The following SCARA5 variants were observed in gnomAD, a reference collection of about 807,000 sequenced individuals.
The protein encoded by SCARA5 is scavenger receptor class A member 5.
Under a neutral mutation model 46.3 loss-of-function variants are expected in SCARA5, and 45 were observed. That is an observed-to-expected ratio of 0.97 (90% CI 0.76 to 1.24). SCARA5 has a LOEUF of 1.24. SCARA5 is among the 50% of genes most tolerant of loss of function. The pLI, the probability that SCARA5 is intolerant of heterozygous loss-of-function variation, is 0.00. For missense variants in SCARA5, 680 were observed against 689.0 expected (o/e 0.99, Z 0.15); for synonymous variants, 333 against 306.5 (o/e 1.09, Z -0.90).
At chr8:27,881,926 C>G (rs966854874) in intron 7 of SCARA5, among the ~76,000 whole-genome samples, 1 of 152,168 alleles carries the variant, frequency 6.6e-6, no homozygotes, top group Non-Finnish European at 1.5e-5. Flanking sequence ...GCTGCACATG[C>G]GATGGGTTTG....
At chr8:27,969,651 G>A (rs1808418914) in intron 2 of SCARA5, among the ~76,000 whole-genome samples, 1 of 152,144 alleles carries the variant, frequency 6.6e-6, no homozygotes, top group Admixed American at 6.5e-5. Flanking sequence ...TAAATGATGG[G>A]CTCTGGGAGA....
intron 7 of SCARA5, among the ~76,000 whole-genome samples, chr8:27,883,984 G>A (rs934431553): frequency 1.3e-5 from 2 of 151,924 alleles, no homozygotes; most frequent in African/African-American, 4.8e-5. Context: ...GGAGATGGCA[G>A]AATTGACATC....
intron 3 of SCARA5, among the ~76,000 whole-genome samples, chr8:27,933,322 G>C (rs548985873): frequency 4.9e-4 from 75 of 151,544 alleles, no homozygotes; most frequent in African/African-American, 1.8e-3. Flanking sequence ...AGGAGTTCGA[G>C]ACCAGCCTGA....
chr8:27,990,372 G>A (rs1004614818), intron 1 of SCARA5, among the ~76,000 whole-genome samples: 1 of 152,172 alleles, frequency 6.6e-6, no homozygotes, highest in Non-Finnish European at 1.5e-5. Context: ...GGAGGAAGCA[G>A]GCATTGGGAC....
At chr8:27,979,006 G>A (rs1808570844) in intron 2 of SCARA5, among the ~76,000 whole-genome samples, 1 of 152,030 alleles carries the variant, frequency 6.6e-6, no homozygotes, top group Non-Finnish European at 1.5e-5. Flanking sequence ...CCTCACACTT[G>A]CACAGGGAAA....
At chr8:27,991,224 A>T (rs1348817347) in intron 1 of SCARA5, among the ~76,000 whole-genome samples, 1 of 152,176 alleles carries the variant, frequency 6.6e-6, no homozygotes, top group Non-Finnish European at 1.5e-5. Context: ...GCTGCTGGTC[A>T]CCCAGGATCA....
chr8:27,989,090 T>C (rs1808746956), intron 1 of SCARA5, among the ~76,000 whole-genome samples: 1 of 150,360 alleles, frequency 6.7e-6, no homozygotes, highest in Non-Finnish European at 1.5e-5. Context: ...AAGAATTCCG[T>C]ATTTTCTTTC....
Position 27,907,572 on chromosome 8 carries a change from C to CTTTTTTTTTT in SCARA5, c.998-336_998-327dup, listed in dbSNP as rs144977060. ...GCTGGAGACTTAGAATCAGCAAACA[C>CTTTTTTTTTT]TTTTTTTTTTTTTTTTTTTTGAGAC... is the stretch of plus-strand genomic sequence containing the variant. On this transcript the variant is annotated intron_variant, in intron 5 of 8. Transcript: ENST00000354914. Among the ~76,000 whole-genome samples, 6 of 97,274 alleles carry CTTTTTTTTTT rather than the reference C, an allele frequency of 6.2e-5. 1 individual carries two copies. The highest frequency in any genetic ancestry group is 1.2e-4 in the African/African-American group (3 of 25,440). The allele number at this position is 97,274 out of a possible 152,430, so 63.8% of individuals were successfully genotyped here.
Position 27,957,717 on chromosome 8 carries a change from G to A in SCARA5, c.241+8697C>T, listed in dbSNP as rs1808227771. ...GAGTAGGCAATGCGTCTAAGTCTCA[G>A]TTTCCTCATTTATAAACTGAGCTAT... On this transcript the variant is annotated intron_variant, in intron 3 of 8. Transcript: ENST00000354914. Among the ~76,000 whole-genome samples, 3 of 152,238 alleles carry A rather than the reference G, an allele frequency of 2.0e-5. No homozygotes were observed. In the South Asian group the frequency reaches 6.2e-4, roughly 31 times the overall value.
At chr8:27,905,581 G>T (rs1052217611) in intron 6 of SCARA5, among the ~76,000 whole-genome samples, 1 of 138,500 alleles carries the variant, frequency 7.2e-6, no homozygotes, top group East Asian at 2.2e-4. Flanking sequence ...CTCAGAAAAA[G>T]ATCTGGCAGG....
chr8:27,962,694 C>G (rs777463283), intron 3 of SCARA5, among the ~76,000 whole-genome samples: 1 of 152,244 alleles, frequency 6.6e-6, no homozygotes, highest in Non-Finnish European at 1.5e-5. Context: ...GCAGGCCAAG[C>G]CTTTCCCCAA....
chr8:27,916,278 G>A (rs1166438795), intron 4 of SCARA5, among the ~76,000 whole-genome samples: 1 of 152,212 alleles, frequency 6.6e-6, no homozygotes, highest in African/African-American at 2.4e-5. Flanking sequence ...AGAGCAAAGC[G>A]TGAGAGTGTG....
At chr8:27,925,379 A>C (rs1183227899) in intron 3 of SCARA5, among the ~76,000 whole-genome samples, 1 of 152,206 alleles carries the variant, frequency 6.6e-6, no homozygotes, top group Non-Finnish European at 1.5e-5. Context: ...CAAAAACAAG[A>C]AATGGGGAAA....
At chr8:27,900,877 T>C (rs1217916965) in intron 7 of SCARA5, among the ~76,000 whole-genome samples, 1 of 150,672 alleles carries the variant, frequency 6.6e-6, no homozygotes, top group African/African-American at 2.4e-5. Flanking sequence ...AAAAAAACCT[T>C]TATCTCTCAG....
intron 8 of SCARA5, among the ~76,000 whole-genome samples, chr8:27,873,717 AAAAG>A (rs1478414477): frequency 2.0e-5 from 3 of 152,194 alleles, no homozygotes; most frequent in East Asian, 1.9e-4. Flanking sequence ...AAAAAGAAAA[AAAAG>A]AAAGAAAGGC....
chr8:27,918,671 A>AAGGAAGATGAGGAGGAAAAGG (rs1563525087), intron 4 of SCARA5, among the ~76,000 whole-genome samples: 2 of 18,530 alleles, frequency 1.1e-4, no homozygotes, highest in African/African-American at 1.6e-4. Context: ...TGAGGAGGAA[A>AAGGAAGATGAGGAGGAAAAGG]AGGAAGATGA....
At chr8:27,989,871 C>T (rs550358432) in intron 1 of SCARA5, among the ~76,000 whole-genome samples, 24 of 152,352 alleles carry the variant, frequency 1.6e-4, no homozygotes, top group African/African-American at 4.8e-4. Flanking sequence ...GACCCTCCCT[C>T]ATTTCATGAG....
chr8:27,898,735 C>G (rs571949930), intron 7 of SCARA5, among the ~76,000 whole-genome samples: 66 of 152,286 alleles, frequency 4.3e-4, no homozygotes, highest in African/African-American at 1.5e-3. Flanking sequence ...GGAAATCAAC[C>G]ACGTGATTAG....
intron 1 of SCARA5, among the ~76,000 whole-genome samples, chr8:27,989,332 T>G (rs1358056500): frequency 1.3e-5 from 2 of 151,954 alleles, no homozygotes; most frequent in Non-Finnish European, 2.9e-5. Context: ...TTCACCATGT[T>G]GGCCAGGCTG....
Sources: gnomAD v4.1 joint callset for allele counts (sites outside exome capture counted in the v4.1 genomes callset) on GRCh38, gnomAD v4.1.1 for gene constraint, MANE v1.5 for transcripts, NCBI Gene and HGNC (gene_info 2026-07-23, HGNC 2026-07-21) for gene names.